Variants in XCL1 observed in about 807,000 individuals in gnomAD.
XCL1 encodes the protein lymphotactin.
XCL1 carries 6 observed loss-of-function variants against 7.4 expected under a neutral mutation model. That is an observed-to-expected ratio of 0.82 (90% CI 0.45 to 1.61). The LOEUF is 1.61. XCL1 is among the 40% of genes most tolerant of loss of function. XCL1 has a pLI of 0.01. For synonymous variants in XCL1, 48 were observed against 52.4 expected, an observed-to-expected ratio of 0.92 and a Z score of 0.36; for missense variants, 122 against 138.2, an observed-to-expected ratio of 0.88 and a Z score of 0.59.
At chr1:168,580,199 T>G in intron 2 of XCL1, 22 bp downstream of exon 2, 1 of 1,611,504 alleles carries the variant, frequency 6.2e-7, no homozygotes, top group Non-Finnish European at 8.5e-7. Context: ...TCCTCAGAAG[T>G]TGTGCTGGGT....
At chr1:168,577,407 A>G (rs1205714493) in intron 1 of XCL1, among the ~76,000 whole-genome samples, 1 of 152,204 alleles carries the variant, frequency 6.6e-6, no homozygotes, top group Non-Finnish European at 1.5e-5. Context: ...TACCAAATAG[A>G]TCAGCACCTT....
intron 1 of XCL1, among the ~76,000 whole-genome samples, chr1:168,577,646 A>T (rs2101835124): frequency 6.6e-6 from 1 of 152,320 alleles, no homozygotes; most frequent in East Asian, 1.9e-4. Flanking sequence ...CTAAGTCTGG[A>T]AGTCCTTGAA....
rs1298994844 is a variant in XCL1, at chr1:168,581,868, TA to T, written c.*653del. On this transcript the variant is annotated 3_prime_UTR_variant, in exon 3 of 3. Coordinates refer to ENST00000367818, the MANE Select transcript of XCL1 (RefSeq NM_002995.3). ...TTGGTATAAAGAAACTTTATTCAAG[TA>T]AAAATCAATACCCTTTGAATTGGAC... is the stretch of plus-strand genomic sequence containing the variant. 4 of 152,220 alleles carry T rather than the reference TA, an allele frequency of 2.6e-5. No individual in the cohort carries two copies. The highest frequency in any genetic ancestry group is 4.8e-5 in the African/African-American group (2 of 41,458). The allele number at this position is 152,220 out of a possible 1,614,324, so 9.4% of individuals were successfully genotyped here.
In XCL1 at chr1:168,579,738, T is replaced by C. The variant is rs531175103; in HGVS notation, c.62-325T>C. ...CAACAGGCACCATTGTATAAATGAA[T>C]GAATGCGTGTCACTGGGGCATTTGC... On this transcript the variant is annotated intron_variant, in intron 1 of 2. Transcript: ENST00000367818. Among the ~76,000 whole-genome samples the C allele has an allele frequency of 1.5e-4, 23 of 152,284 alleles. No individual in the cohort carries two copies. In the East Asian group the frequency reaches 4.2e-3, roughly 28 times the overall value.
At chr1:168,579,435 C>G (rs915748982) in intron 1 of XCL1, 1 of 180,532 alleles carries the variant, frequency 5.5e-6, no homozygotes, top group African/African-American at 2.4e-5. Flanking sequence ...TCTTTCCTTT[C>G]AGCATCTTAG....
At chr1:168,576,748 T>G (rs777689886) in intron 1 of XCL1, 50 bp downstream of exon 1, 25 of 1,612,930 alleles carry the variant, frequency 1.5e-5, no homozygotes, top group Non-Finnish European at 2.0e-5. Flanking sequence ...GCAAGGCAGG[T>G]GGGCACACAT....
intron 1 of XCL1, chr1:168,578,822 T>C: frequency 2.3e-6 from 1 of 442,666 alleles, no homozygotes; most frequent in South Asian, 1.7e-5. Flanking sequence ...GGTTAACTTG[T>C]GTGAAGGCCA....
Position 168,581,252 on chromosome 1 carries a change from G to A in XCL1, c.*32G>A. The A allele has an allele frequency of 6.2e-7, 1 of 1,608,866 alleles. No homozygotes were observed. The highest frequency in any genetic ancestry group is 8.5e-7 in the Non-Finnish European group (1 of 1,176,326). On this transcript the variant is annotated 3_prime_UTR_variant, in exon 3 of 3. Transcript: ENST00000367818. ...CTGGCACCCTGTCCGTCTCCAGCCAGCCAGCTCATTTCACTTTACACGCTC... is the reference window on the plus strand; with the variant it reads ...CTGGCACCCTGTCCGTCTCCAGCCAACCAGCTCATTTCACTTTACACGCTC...
At position 168,576,606 on chromosome 1, in the gene XCL1, C is replaced by G. The variant is rs1655028452; in HGVS notation, c.-32C>G. On this transcript the variant is annotated 5_prime_UTR_variant, in exon 1 of 3. Coordinates refer to ENST00000367818, the MANE Select transcript of XCL1 (RefSeq NM_002995.3). Reference sequence around the variant, plus strand: ...AGGTCCTCAAAGAGCCCGATCCTCACTCTCCTTGCACAGCTCAGCAGGACC... The same window carrying G: ...AGGTCCTCAAAGAGCCCGATCCTCAGTCTCCTTGCACAGCTCAGCAGGACC... The G allele has an allele frequency of 6.2e-7, 1 of 1,612,808 alleles. No homozygotes were observed. Among genetic ancestry groups the G allele is most frequent in the Non-Finnish European group, 8.5e-7 (1 of 1,179,268 alleles).
chr1:168,579,869 TA>T (rs1655113563), intron 1 of XCL1, among the ~76,000 whole-genome samples, 193 bp from the exon 2 acceptor site: 1 of 152,120 alleles, frequency 6.6e-6, no homozygotes, highest in South Asian at 2.1e-4. Flanking sequence ...ATTGAGTTTT[TA>T]AATTAGTCAA....
At chr1:168,580,803 A>G (rs1338599577) in intron 2 of XCL1, among the ~76,000 whole-genome samples, 1 of 152,210 alleles carries the variant, frequency 6.6e-6, no homozygotes, top group African/African-American at 2.4e-5. Context: ...ACATTTGGTG[A>G]CATGGATGAG....
chr1:168,577,679 A>T (rs929750829), intron 1 of XCL1, among the ~76,000 whole-genome samples: 1 of 152,202 alleles, frequency 6.6e-6, no homozygotes, highest in African/African-American at 2.4e-5. Flanking sequence ...ACAAAAAAAT[A>T]CTGATGAAAC....
At chr1:168,576,773 A>T (rs371404303) in intron 1 of XCL1, 75 bp downstream of exon 1, 27,731 of 1,373,116 alleles carry the variant, frequency 0.02, 5 homozygotes, top group African/African-American at 0.028. Flanking sequence ...GGTTTGACTC[A>T]GGTTATGACT....
intron 1 of XCL1, chr1:168,579,008 G>A (rs1431079595): frequency 5.3e-5 from 22 of 414,258 alleles, no homozygotes; most frequent in Non-Finnish European, 6.7e-5. Flanking sequence ...GGTGGTGATA[G>A]TGTTAACCCC....
intron 2 of XCL1, among the ~76,000 whole-genome samples, chr1:168,580,448 C>T (rs112205015): frequency 6.6e-6 from 1 of 152,192 alleles, no homozygotes. Flanking sequence ...GTGCACAGCT[C>T]TGAGACCTGG....
rs1226597900 is a variant in XCL1 at position 168,581,194 on chromosome 1, A to G, written c.319A>G (p.Asn107Asp). The change falls in exon 3 of 3, where the codon AAT becomes GAT. Residue 107 changes from asparagine to aspartate, a missense_variant. Coordinates refer to ENST00000367818, the MANE Select transcript of XCL1 (RefSeq NM_002995.3). ...GCCAACAGGAACCCAGCAATCGACC[A>G]ATACAGCTGTGACTCTGACTGGCTA... ...TKPTGTQQST[N>D]TAVTLTG 1.2e-6 allele frequency: 2 copies of G among 1,613,722 alleles called. No individual in the cohort carries two copies. Among genetic ancestry groups the G allele is most frequent in the Admixed American group, 1.7e-5 (1 of 59,990 alleles).
chr1:168,579,454 C>G (rs114875062), intron 1 of XCL1: 3,539 of 183,576 alleles, frequency 0.019, 134 homozygotes, highest in African/African-American at 0.078. Flanking sequence ...AGGCAGCTGA[C>G]AGAGAGAGAC....
rs34933908 is a variant in XCL1 at position 168,576,711 on chromosome 1, G to A, written c.61+13G>A. ...TACATTGTGGAAGGTAAGTGGAGAA[G>A]CTGTCTGTGAGATAAAGAACAGGGA... On this transcript the variant is annotated intron_variant, in intron 1 of 2. Coordinates refer to ENST00000367818, the MANE Select transcript of XCL1 (RefSeq NM_002995.3). 962,887 of 1,584,454 alleles carry A rather than the reference G, an allele frequency of 0.61. 252,546 individuals carry two copies. Among genetic ancestry groups the A allele is most frequent in the African/African-American group, 0.68 (48,233 of 70,648 alleles).
rs1439370275 is a variant in XCL1, at chr1:168,580,903, G to C, written c.177-149G>C. On this transcript the variant is annotated intron_variant, in intron 2 of 2. Coordinates refer to ENST00000367818, the MANE Select transcript of XCL1 (RefSeq NM_002995.3). ...ATGTTAAAATAGATGGCAGAAGAAG[G>C]GTACTCATTTATGATCTCATGGCTC... 1.0e-5 allele frequency: 12 copies of C among 1,152,694 alleles called. No homozygotes were observed. In the Admixed American group the frequency reaches 2.6e-4, roughly 25 times the overall value. 71.4% of individuals were successfully genotyped at this position (1,152,694 alleles called of 1,614,324 possible). A position where few individuals can be genotyped will look rare whatever the true frequency, so the allele number is the denominator to read the frequency against.
Sources: allele counts gnomAD v4.1 joint callset (sites outside exome capture counted in the v4.1 genomes callset), GRCh38; gene constraint gnomAD v4.1.1; transcripts MANE v1.5; gene names NCBI Gene and HGNC (gene_info 2026-07-23, HGNC 2026-07-21).